The following GIPC2 variants were observed in gnomAD, a reference collection of about 807,000 sequenced individuals.
GIPC2 encodes GIPC PDZ domain containing family member 2, also known as PDZ domain-containing protein GIPC2.
Under a neutral mutation model 30.6 loss-of-function variants are expected in GIPC2, and 30 were observed. The observed-to-expected ratio is 0.98, with a 90% CI of 0.73 to 1.33. The LOEUF is 1.33. Among genes scored for constraint, GIPC2 ranks in the 40% most tolerant of loss-of-function variants. The pLI, the probability that GIPC2 is intolerant of heterozygous loss-of-function variation, is 0.00. For missense variants in GIPC2, 414 were observed against 390.3 expected (o/e 1.06, Z -0.51); for synonymous variants, 167 against 150.0 (o/e 1.11, Z -0.83).
At chr1:78,110,266 T>C (rs1375267598) in intron 3 of GIPC2, among the ~76,000 whole-genome samples, 1 of 151,736 alleles carries the variant, frequency 6.6e-6, no homozygotes, top group Non-Finnish European at 1.5e-5. Flanking sequence ...TATCTGAAAA[T>C]GGGGGCAGAA....
chr1:78,110,352 C>T (rs1662444547), intron 3 of GIPC2, among the ~76,000 whole-genome samples: 1 of 152,050 alleles, frequency 6.6e-6, no homozygotes, highest in Admixed American at 6.5e-5. Flanking sequence ...CCAAGAGAAA[C>T]CAAAAATTTG....
rs1412595672 is a variant in GIPC2, at chr1:78,046,136, G to A, written c.42G>A (p.Lys14=). 1 of 1,529,424 alleles carries A rather than the reference G, an allele frequency of 6.5e-7. No homozygotes were observed. The highest frequency in any genetic ancestry group is 8.8e-7 in the Non-Finnish European group (1 of 1,140,980). 94.7% of individuals were successfully genotyped at this position (1,529,424 alleles called of 1,614,324 possible). A position where few individuals can be genotyped will look rare whatever the true frequency, so the allele number is the denominator to read the frequency against. ...KLRGKKKAKS[K]ETAGLVEGEP... is the part of the protein sequence containing the mutation. ...GGGGGAAGAAGAAGGCCAAGTCCAA[G>A]GAGACCGCCGGGCTGGTGGAGGGCG... is the stretch of plus-strand genomic sequence containing the variant. Residue 14 remains lysine, a synonymous_variant, in exon 1 of 6, where the codon AAG becomes AAA. Coordinates refer to ENST00000370759, the MANE Select transcript of GIPC2 (RefSeq NM_017655.6).
At chr1:78,094,586 A>T (rs1273924667) in intron 2 of GIPC2, among the ~76,000 whole-genome samples, 1 of 152,100 alleles carries the variant, frequency 6.6e-6, no homozygotes, top group Non-Finnish European at 1.5e-5. Flanking sequence ...TTCTTGGTGG[A>T]GTGGGTTGGG....
chr1:78,092,396 C>CT (rs967823563), intron 2 of GIPC2, among the ~76,000 whole-genome samples: 4 of 152,088 alleles, frequency 2.6e-5, no homozygotes, highest in African/African-American at 4.8e-5. Flanking sequence ...TCTTCTCTAC[C>CT]TTTTGCACCA....
chr1:78,091,588 G>C, intron 2 of GIPC2: 3 of 761,490 alleles, frequency 3.9e-6, no homozygotes, highest in Non-Finnish European at 7.4e-6. Context: ...AGTCCTTCGC[G>C]ATCTTCTTCG....
At chr1:78,120,075 C>G (rs1378885635) in intron 4 of GIPC2, among the ~76,000 whole-genome samples, 1 of 152,240 alleles carries the variant, frequency 6.6e-6, no homozygotes, top group Non-Finnish European at 1.5e-5. Flanking sequence ...CTTCTTTCCA[C>G]CTGTGCTCAG....
chr1:78,048,763 T>C (rs546610564), intron 1 of GIPC2, among the ~76,000 whole-genome samples: 37 of 152,278 alleles, frequency 2.4e-4, no homozygotes, highest in African/African-American at 8.7e-4. Flanking sequence ...TACCCAAGTT[T>C]TCCAGAGTCT....
intron 1 of GIPC2, among the ~76,000 whole-genome samples, chr1:78,056,538 A>G (rs1661301109): frequency 6.6e-6 from 1 of 152,244 alleles, no homozygotes; most frequent in Non-Finnish European, 1.5e-5. Context: ...GAAATAGTGT[A>G]ATTAACTCCA....
chr1:78,086,180 T>C (rs1237457201), intron 2 of GIPC2, among the ~76,000 whole-genome samples: 1 of 152,190 alleles, frequency 6.6e-6, no homozygotes, highest in African/African-American at 2.4e-5. Flanking sequence ...TTTCACTATT[T>C]ACCCAAAAGT....
intron 3 of GIPC2, among the ~76,000 whole-genome samples, chr1:78,095,652 G>T (rs1662123949): frequency 6.6e-6 from 1 of 152,016 alleles, no homozygotes; most frequent in African/African-American, 2.4e-5. Context: ...TCCACTTTGG[G>T]GTGACATCTG....
intron 3 of GIPC2, among the ~76,000 whole-genome samples, chr1:78,102,636 A>T (rs984163764): frequency 2.6e-5 from 4 of 152,174 alleles, no homozygotes; most frequent in African/African-American, 9.7e-5. Flanking sequence ...AAGTTATTTA[A>T]CCTTTCTGTG....
intron 1 of GIPC2, among the ~76,000 whole-genome samples, chr1:78,050,759 T>C (rs1340327894): frequency 1.3e-5 from 2 of 151,922 alleles, no homozygotes; most frequent in Non-Finnish European, 2.9e-5. Context: ...CTCAACCTCC[T>C]GAGTAGCTAG....
intron 1 of GIPC2, among the ~76,000 whole-genome samples, chr1:78,051,750 C>T (rs764068789): frequency 6.6e-6 from 1 of 152,190 alleles, no homozygotes; most frequent in Non-Finnish European, 1.5e-5. Flanking sequence ...CTGCCTCGGC[C>T]TCCCAAAGTG....
chr1:78,049,201 GC>G (rs1661150899), intron 1 of GIPC2, among the ~76,000 whole-genome samples: 1 of 152,106 alleles, frequency 6.6e-6, no homozygotes, highest in Non-Finnish European at 1.5e-5. Flanking sequence ...TTGTTCTGTC[GC>G]CCAGGCTGGA....
At chr1:78,087,569 A>G (rs566078176) in intron 2 of GIPC2, among the ~76,000 whole-genome samples, 1 of 152,352 alleles carries the variant, frequency 6.6e-6, no homozygotes, top group African/African-American at 2.4e-5. Context: ...AGCCATATGC[A>G]GAAGACTGAA....
chr1:78,129,007 A>AAAAT (rs146694059), intron 5 of GIPC2, among the ~76,000 whole-genome samples: 26,728 of 142,532 alleles, frequency 0.19, 2,714 homozygotes, highest in South Asian at 0.33. Context: ...CCTGTCTCTA[A>AAAAT]AAATAAATAA....
intron 1 of GIPC2, among the ~76,000 whole-genome samples, chr1:78,059,839 C>T (rs1263763419): frequency 2.6e-5 from 4 of 151,990 alleles, no homozygotes; most frequent in East Asian, 1.9e-4. Flanking sequence ...TTGTTAGAGA[C>T]GTGCTAGACA....
At chr1:78,052,161 G>T (rs562621022) in intron 1 of GIPC2, among the ~76,000 whole-genome samples, 1 of 152,110 alleles carries the variant, frequency 6.6e-6, no homozygotes, top group African/African-American at 2.4e-5. Context: ...CCTACAGAAT[G>T]CCCTTCCTTA....
chr1:78,135,916 A>C lies in GIPC2; in HGVS notation c.*173A>C. ...TAATTTTGATTTCTGGGCACTTTTT[A>C]ACATTGCTGATGTAGTATGCTTAAG... is the stretch of plus-strand genomic sequence containing the variant. On this transcript the variant is annotated 3_prime_UTR_variant, in exon 6 of 6. Transcript: ENST00000370759. The C allele has an allele frequency of 1.9e-6, 1 of 522,044 alleles. No homozygotes were observed. The highest frequency in any genetic ancestry group is 3.1e-5 in the South Asian group (1 of 32,226). 32.3% of individuals were successfully genotyped at this position (522,044 alleles called of 1,614,324 possible).
Sources: allele counts gnomAD v4.1 joint callset (sites outside exome capture counted in the v4.1 genomes callset), GRCh38; gene constraint gnomAD v4.1.1; transcripts MANE v1.5; gene names NCBI Gene and HGNC (gene_info 2026-07-23, HGNC 2026-07-21).